Variants in ANKRD49 observed in about 807,000 individuals in gnomAD.
ANKRD49 encodes the protein ankyrin repeat domain 49.
Under a neutral mutation model 19.6 loss-of-function variants are expected in ANKRD49, and 18 were observed. That is an observed-to-expected ratio of 0.92 (90% CI 0.63 to 1.36). The LOEUF is 1.36. Ranked by LOEUF, ANKRD49 falls within the 40% of genes most tolerant of loss-of-function variation. ANKRD49 has a pLI of 0.00. For missense variants in ANKRD49, 218 were observed against 281.6 expected (o/e 0.77, Z 1.62); for synonymous variants, 88 against 101.8 (o/e 0.86, Z 0.82).
rs1947452535 is a variant in ANKRD49 at position 94,498,683 on chromosome 11, T to C, written c.*151T>C. On this transcript the variant is annotated 3_prime_UTR_variant, in exon 3 of 3. Transcript: ENST00000544612. ...TTCCAAGTGAATTGCCTGACTTTGA[T>C]GTCAAAATGTATTTGAAAGTAATTT... The C allele has an allele frequency of 1.5e-6, 1 of 664,996 alleles. No homozygotes were observed. The highest frequency in any genetic ancestry group is 2.0e-5 in the South Asian group (1 of 49,942). The allele number at this position is 664,996 out of a possible 1,614,324, so 41.2% of individuals were successfully genotyped here. A position where few individuals can be genotyped will look rare whatever the true frequency, so the allele number is the denominator to read the frequency against.
At position 94,499,177 on chromosome 11, in the gene ANKRD49, T is replaced by C. The variant is rs1218219685; in HGVS notation, c.*645T>C. 6.5e-6 allele frequency: 1 copy of C among 153,636 alleles called. No individual in the cohort carries two copies. The highest frequency in any genetic ancestry group is 2.4e-5 in the African/African-American group (1 of 41,482). 9.5% of individuals were successfully genotyped at this position (153,636 alleles called of 1,614,324 possible). On this transcript the variant is annotated 3_prime_UTR_variant, in exon 3 of 3. Coordinates refer to ENST00000544612, the MANE Select transcript of ANKRD49 (RefSeq NM_017704.3). ...TCCCCTACCACAATTTACACAATCC[T>C]GTGGATAGTCCTACCTCACCCTGGT... is the stretch of plus-strand genomic sequence containing the variant.
chr11:94,498,656 T>G lies in ANKRD49; in HGVS notation c.*124T>G, dbSNP rs2135163584. 11 of 821,006 alleles carry G rather than the reference T, an allele frequency of 1.3e-5. 1 individual carries two copies. In the South Asian group the frequency reaches 2.0e-4, roughly 15 times the overall value. 50.9% of individuals were successfully genotyped at this position (821,006 alleles called of 1,614,324 possible). A position where few individuals can be genotyped will look rare whatever the true frequency, so the allele number is the denominator to read the frequency against. ...AATTCAGTGACATTCATTATAACAT[T>G]CTTCCAAGTGAATTGCCTGACTTTG... On this transcript the variant is annotated 3_prime_UTR_variant, in exon 3 of 3. Transcript: ENST00000544612.
In ANKRD49 at chr11:94,498,733, G is replaced by C; in HGVS notation, c.*201G>C. 1 of 575,768 alleles carries C rather than the reference G, an allele frequency of 1.7e-6. No homozygotes were observed. The highest frequency in any genetic ancestry group is 2.3e-5 in the South Asian group (1 of 43,008). The allele number at this position is 575,768 out of a possible 1,614,324, so 35.7% of individuals were successfully genotyped here. ...TGCATATATCTTTAATTATTTCTGT[G>C]GAGTTTGTGATTTTTTTATCAGAAA... On this transcript the variant is annotated 3_prime_UTR_variant, in exon 3 of 3. Coordinates refer to ENST00000544612, the MANE Select transcript of ANKRD49 (RefSeq NM_017704.3).
In ANKRD49 at chr11:94,498,561, A is replaced by C. The variant is rs758850821; in HGVS notation, c.*29A>C. 1 of 1,555,306 alleles carries C rather than the reference A, an allele frequency of 6.4e-7. No individual in the cohort carries two copies. The highest frequency in any genetic ancestry group is 2.2e-5 in the East Asian group (1 of 44,602). The stretch of plus-strand genomic sequence containing the variant: ...TTCTAGTAATTTTCCTAAGTTTCTA[A>C]ATACCAGTGCCTCCTGTGTGTGAGA... On this transcript the variant is annotated 3_prime_UTR_variant, in exon 3 of 3. Coordinates refer to ENST00000544612, the MANE Select transcript of ANKRD49 (RefSeq NM_017704.3).
intron 2 of ANKRD49, chr11:94,497,291 T>C (rs1490401260): frequency 4.4e-6 from 2 of 459,024 alleles, no homozygotes; most frequent in Non-Finnish European, 7.6e-6. Flanking sequence ...TATTTAATCA[T>C]CATGTATCCC....
rs1947455358 is a variant in ANKRD49, at chr11:94,498,936, G to A, written c.*404G>A. On this transcript the variant is annotated 3_prime_UTR_variant, in exon 3 of 3. Coordinates refer to ENST00000544612, the MANE Select transcript of ANKRD49 (RefSeq NM_017704.3). Reference sequence around the variant, plus strand: ...AGGTAACTCAGAACTTAATTTAAAAGTCTTAAATATTCTGATACAATTCAG... The same window carrying A: ...AGGTAACTCAGAACTTAATTTAAAAATCTTAAATATTCTGATACAATTCAG... 1.1e-5 allele frequency: 2 copies of A among 176,536 alleles called. No homozygotes were observed. Among genetic ancestry groups the A allele is most frequent in the South Asian group, 2.7e-4 (2 of 7,412 alleles). The allele number at this position is 176,536 out of a possible 1,614,324, so 10.9% of individuals were successfully genotyped here. A position where few individuals can be genotyped will look rare whatever the true frequency, so the allele number is the denominator to read the frequency against.
At chr11:94,497,822 G>A in intron 2 of ANKRD49, 1 of 417,422 alleles carries the variant, frequency 2.4e-6, no homozygotes, top group Non-Finnish European at 4.3e-6. Flanking sequence ...AGGAGTAAAT[G>A]TATGGTTTGA....
At position 94,499,245 on chromosome 11, in the gene ANKRD49, T is replaced by C. The variant is rs1947459082; in HGVS notation, c.*713T>C. 6.5e-6 allele frequency: 1 copy of C among 152,880 alleles called. No homozygotes were observed. Among genetic ancestry groups the C allele is most frequent in the South Asian group, 2.1e-4 (1 of 4,834 alleles). The allele number at this position is 152,880 out of a possible 1,614,324, so 9.5% of individuals were successfully genotyped here. A position where few individuals can be genotyped will look rare whatever the true frequency, so the allele number is the denominator to read the frequency against. On this transcript the variant is annotated 3_prime_UTR_variant, in exon 3 of 3. Transcript: ENST00000544612. Reference sequence around the variant, plus strand: ...AAGCTAATGGCGAATCACGATGACCTTGTAGACATGCACACAACTATACCT... The same window carrying C: ...AAGCTAATGGCGAATCACGATGACCCTGTAGACATGCACACAACTATACCT...
rs375282408 is a variant in ANKRD49 at position 94,496,681 on chromosome 11, A to T, written c.-13A>T. 4 of 1,563,304 alleles carry T rather than the reference A, an allele frequency of 2.6e-6. No homozygotes were observed. The highest frequency in any genetic ancestry group is 3.5e-6 in the Non-Finnish European group (4 of 1,158,950). On this transcript the variant is annotated 5_prime_UTR_variant, in exon 2 of 3. Coordinates refer to ENST00000544612, the MANE Select transcript of ANKRD49 (RefSeq NM_017704.3). ...GCATTTGAAATGCTTTTTATTTAGA[A>T]TAGTAGTAAAAAATGGAAAAAGAAA...
At chr11:94,496,551 T>C in intron 1 of ANKRD49, 53 bp from the exon 2 acceptor site, 1 of 750,218 alleles carries the variant, frequency 1.3e-6, no homozygotes, top group Non-Finnish European at 2.1e-6. Flanking sequence ...TCTATGCAGT[T>C]GATAAAGCCT....
chr11:94,496,974 G>C, intron 2 of ANKRD49, 23 bp downstream of exon 2: 1 of 1,611,434 alleles, frequency 6.2e-7, no homozygotes, highest in Admixed American at 1.7e-5. Context: ...ATTACAGAGG[G>C]AAGTGTGACA....
In ANKRD49 at chr11:94,498,524, C is replaced by T; in HGVS notation, c.712C>T (p.Gln238Ter). ...IVEGCTNSSP[Q>*]S ...GGAAGGCTGTACAAATTCTTCACCT[C>T]AGTCTTAACAATTCTAGTAATTTTC... Residue 238 changes from glutamine (Q) to a stop codon, truncating the protein, a stop_gained, in exon 3 of 3, where the codon CAG (glutamine) becomes TAG (stop). Transcript: ENST00000544612. LOFTEE classifies it high-confidence loss of function. 6.2e-7 allele frequency: 1 copy of T among 1,608,166 alleles called. No homozygotes were observed. The highest frequency in any genetic ancestry group is 1.7e-5 in the Admixed American group (1 of 59,158).
intron 2 of ANKRD49, chr11:94,497,613 A>G (rs1352847302): frequency 6.4e-6 from 1 of 156,872 alleles, no homozygotes; most frequent in Non-Finnish European, 1.4e-5. Context: ...TTGAATCCCT[A>G]GAATTCCTTA....
Position 94,496,688 on chromosome 11 carries a change from T to C in ANKRD49, c.-6T>C, listed in dbSNP as rs745628419. The C allele has an allele frequency of 3.2e-6, 5 of 1,571,230 alleles. No individual in the cohort carries two copies. The African/African-American group carries it at 4.1e-5, about 13-fold the overall frequency. Reference sequence around the variant, plus strand: ...AAATGCTTTTTATTTAGAATAGTAGTAAAAAATGGAAAAAGAAAAAGGAAA... The same window carrying C: ...AAATGCTTTTTATTTAGAATAGTAGCAAAAAATGGAAAAAGAAAAAGGAAA... On this transcript the variant is annotated 5_prime_UTR_variant, in exon 2 of 3. Transcript: ENST00000544612.
At chr11:94,497,340 G>C (rs1228247012) in intron 2 of ANKRD49, 15 of 328,836 alleles carry the variant, frequency 4.6e-5, no homozygotes, top group Non-Finnish European at 7.1e-5. Context: ...GTAAGAAATT[G>C]AGATTCAGGA....
chr11:94,497,301 C>T, intron 2 of ANKRD49: 1 of 430,608 alleles, frequency 2.3e-6, no homozygotes, highest in Non-Finnish European at 4.1e-6. Flanking sequence ...TCATGTATCC[C>T]TATAAGTAAT....
At chr11:94,496,994 G>C in intron 2 of ANKRD49, 43 bp downstream of exon 2, 3 of 1,608,696 alleles carry the variant, frequency 1.9e-6, no homozygotes, top group Non-Finnish European at 2.5e-6. Flanking sequence ...AGTAGGAAAA[G>C]CACTGGGTTC....
At position 94,498,767 on chromosome 11, in the gene ANKRD49, A is replaced by G. The variant is rs1358426755; in HGVS notation, c.*235A>G. 1.9e-6 allele frequency: 1 copy of G among 534,002 alleles called. No individual in the cohort carries two copies. Among genetic ancestry groups the G allele is most frequent in the African/African-American group, 1.9e-5 (1 of 52,398 alleles). 33.1% of individuals were successfully genotyped at this position (534,002 alleles called of 1,614,324 possible). A position where few individuals can be genotyped will look rare whatever the true frequency, so the allele number is the denominator to read the frequency against. The stretch of plus-strand genomic sequence containing the variant: ...GATTTTTTTATCAGAAATAATTTTA[A>G]TGTGTGTATACTTAAAAACTTGACA... On this transcript the variant is annotated 3_prime_UTR_variant, in exon 3 of 3. Coordinates refer to ENST00000544612, the MANE Select transcript of ANKRD49 (RefSeq NM_017704.3).
At position 94,494,019 on chromosome 11, in the gene ANKRD49, A is replaced by G. The variant is rs2135155051; in HGVS notation, c.-107A>G. The G allele has an allele frequency of 6.6e-6, 1 of 152,262 alleles. No individual in the cohort carries two copies. The highest frequency in any genetic ancestry group is 2.4e-5 in the African/African-American group (1 of 41,504). The allele number at this position is 152,262 out of a possible 1,614,324, so 9.4% of individuals were successfully genotyped here. A position where few individuals can be genotyped will look rare whatever the true frequency, so the allele number is the denominator to read the frequency against. ...CCCGGAAGTGAGATGCAAGGCGGCG[A>G]TTTTCCCTTCTGTCAGGTGGGTTGT... On this transcript the variant is annotated 5_prime_UTR_variant, in exon 1 of 3. Transcript: ENST00000544612.
Sources: allele counts gnomAD v4.1 joint callset, GRCh38; gene constraint gnomAD v4.1.1; transcripts MANE v1.5; gene names NCBI Gene and HGNC (gene_info 2026-07-23, HGNC 2026-07-21).